PDE4D: variants seen among roughly 807,000 people sequenced by gnomAD.
PDE4D encodes the protein 3',5'-cyclic-AMP phosphodiesterase 4D.
A neutral mutation model predicts 87.4 loss-of-function variants in PDE4D; 24 were observed. That is an observed-to-expected ratio of 0.27 (90% CI 0.20 to 0.39). The LOEUF (loss-of-function observed/expected upper bound fraction) is 0.39, where lower values mean the gene tolerates loss of function less well. Among genes scored for constraint, PDE4D ranks in the 10% least tolerant of loss-of-function variants. PDE4D has a pLI of 1.00. For synonymous variants in PDE4D, 384 were observed against 383.2 expected, an observed-to-expected ratio of 1.00 and a Z score of -0.02; for missense variants, 714 against 1,041.0, an observed-to-expected ratio of 0.69 and a Z score of 4.32.
intron 1 of PDE4D, among the ~76,000 whole-genome samples, chr5:59,604,421 A>G (rs923627333): frequency 5.3e-5 from 8 of 152,072 alleles, no homozygotes; most frequent in African/African-American, 1.9e-4. Context: ...AAATTAGGGA[A>G]GCAAGAAAAC....
At chr5:60,048,723 G>A (rs1259366538) in intron 2 of PDE4D, among the ~76,000 whole-genome samples, 1 of 151,976 alleles carries the variant, frequency 6.6e-6, no homozygotes, top group Admixed American at 6.6e-5. Context: ...TAGAGTTTCT[G>A]CTGAGAGATC....
At chr5:59,196,476 G>A (rs566731829) in intron 2 of PDE4D, among the ~76,000 whole-genome samples, 1 of 152,302 alleles carries the variant, frequency 6.6e-6, no homozygotes, top group African/African-American at 2.4e-5. Context: ...CCTTCTGGCT[G>A]TGTCATATAG....
chr5:60,050,978 A>G (rs897166228), intron 2 of PDE4D, among the ~76,000 whole-genome samples: 8 of 152,252 alleles, frequency 5.3e-5, no homozygotes, highest in African/African-American at 1.7e-4. Flanking sequence ...CAATGCAACA[A>G]GAAGAGCTAA....
intron 3 of PDE4D, among the ~76,000 whole-genome samples, chr5:59,951,778 A>G (rs1179830096): frequency 6.6e-6 from 1 of 152,214 alleles, no homozygotes; most frequent in Non-Finnish European, 1.5e-5. Flanking sequence ...CCAAAAATAG[A>G]TCCAACTCTA....
chr5:59,170,456 T>A (rs1782582018), intron 5 of PDE4D, among the ~76,000 whole-genome samples: 1 of 152,206 alleles, frequency 6.6e-6, no homozygotes, highest in African/African-American at 2.4e-5. Flanking sequence ...ACCATAATAT[T>A]GAAATATTGT....
chr5:59,749,052 T>C (rs1760043596), intron 1 of PDE4D, among the ~76,000 whole-genome samples: 1 of 152,206 alleles, frequency 6.6e-6, no homozygotes, highest in Non-Finnish European at 1.5e-5. Flanking sequence ...TCAGAAACTG[T>C]ATGCAATAAT....
intron 5 of PDE4D, among the ~76,000 whole-genome samples, chr5:59,147,788 A>T (rs1778889414): frequency 6.6e-6 from 1 of 152,188 alleles, no homozygotes; most frequent in Admixed American, 6.5e-5. Flanking sequence ...TTTTGCCAGA[A>T]TTTCTGTTTG....
chr5:59,964,608 ATAT>A (rs1277777156), intron 3 of PDE4D, among the ~76,000 whole-genome samples: 1 of 152,040 alleles, frequency 6.6e-6, no homozygotes, highest in African/African-American at 2.4e-5. Flanking sequence ...CTGCCTCTAA[ATAT>A]CTCTCAAAAT....
chr5:59,172,004 TAA>T (rs1328993275), intron 5 of PDE4D, among the ~76,000 whole-genome samples: 4 of 69,530 alleles, frequency 5.8e-5, no homozygotes, highest in African/African-American at 1.4e-4. Flanking sequence ...ATATATATAA[TAA>T]ATATATATTA....
intron 1 of PDE4D, among the ~76,000 whole-genome samples, chr5:60,385,254 G>A (rs1450013216): frequency 6.6e-6 from 1 of 152,200 alleles, no homozygotes; most frequent in African/African-American, 2.4e-5. Context: ...GTATGGGAAG[G>A]AACAATACTG....
chr5:59,859,276 C>A (rs1005826163), intron 1 of PDE4D, among the ~76,000 whole-genome samples: 2 of 152,140 alleles, frequency 1.3e-5, no homozygotes, highest in Non-Finnish European at 2.9e-5. Flanking sequence ...ATTTCCTCAG[C>A]TCTGCCTTTT....
chr5:59,899,334 C>T (rs1751989371), intron 3 of PDE4D, among the ~76,000 whole-genome samples: 1 of 151,968 alleles, frequency 6.6e-6, no homozygotes, highest in African/African-American at 2.4e-5. Context: ...TTATTGAGCA[C>T]TTAATATGTG....
chr5:60,482,574 G>A (rs995904563), intron 1 of PDE4D, among the ~76,000 whole-genome samples: 2 of 152,230 alleles, frequency 1.3e-5, no homozygotes, highest in East Asian at 1.9e-4. Context: ...AAGGTGATAA[G>A]AGTGGAGTCA....
At chr5:59,412,978 A>C (rs1792951712) in intron 1 of PDE4D, among the ~76,000 whole-genome samples, 1 of 145,606 alleles carries the variant, frequency 6.9e-6, no homozygotes, top group Non-Finnish European at 1.5e-5. Flanking sequence ...GCCAAATTTA[A>C]ACTTGTCTAT....
intron 1 of PDE4D, among the ~76,000 whole-genome samples, chr5:59,503,175 G>C (rs1403440740): frequency 6.6e-6 from 1 of 152,046 alleles, no homozygotes; most frequent in Non-Finnish European, 1.5e-5. Context: ...TCATGCTCTG[G>C]AGCTCTTAGG....
At chr5:60,082,721 G>A (rs2152904757) in intron 2 of PDE4D, among the ~76,000 whole-genome samples, 1 of 152,264 alleles carries the variant, frequency 6.6e-6, no homozygotes, top group South Asian at 2.1e-4. Flanking sequence ...GAATGAGGTG[G>A]AATGTCACAT....
chr5:59,559,885 C>A (rs1172054312), intron 1 of PDE4D, among the ~76,000 whole-genome samples: 1 of 152,106 alleles, frequency 6.6e-6, no homozygotes, highest in Non-Finnish European at 1.5e-5. Context: ...CTCCAAAGCA[C>A]ATGGAAATAA....
chr5:59,518,968 G>A lies in PDE4D; in HGVS notation c.456-303000C>T, dbSNP rs149207422. Among the ~76,000 whole-genome samples, 408 of 152,270 alleles carry A rather than the reference G, an allele frequency of 2.7e-3. 1 individual carries two copies. The highest frequency in any genetic ancestry group is 9.2e-3 in the African/African-American group (384 of 41,576). On this transcript the variant is annotated intron_variant, in intron 1 of 14. Coordinates refer to ENST00000340635, the MANE Select transcript of PDE4D (RefSeq NM_001104631.2). ...TTCGAAAGGCACTAGGCTACAGGCC[G>A]GTGTTATCTCTGTTTATAAGACAAA...
intron 1 of PDE4D, among the ~76,000 whole-genome samples, chr5:59,305,379 G>GT (rs148616912): frequency 1.1e-4 from 17 of 150,822 alleles, no homozygotes; most frequent in Non-Finnish European, 1.8e-4. Context: ...TTTTTGTATG[G>GT]TTTTTTTTTG....
Sources: allele counts gnomAD v4.1 joint callset (sites outside exome capture counted in the v4.1 genomes callset), GRCh38; gene constraint gnomAD v4.1.1; transcripts MANE v1.5; gene names NCBI Gene and HGNC (gene_info 2026-07-23, HGNC 2026-07-21).